NTRK2: variants seen among roughly 807,000 people sequenced by gnomAD.
NTRK2 encodes the protein BDNF/NT-3 growth factors receptor.
Under a neutral mutation model 94.5 loss-of-function variants are expected in NTRK2, and 13 were observed. The ratio of observed to expected loss-of-function variants is 0.14; its 90% CI spans 0.09 to 0.22. The LOEUF is 0.22. Ranked by LOEUF, NTRK2 falls within the 10% of genes least tolerant of loss-of-function variation. NTRK2 has a pLI of 1.00. For missense variants in NTRK2, 639 were observed against 1,071.2 expected (o/e 0.60, Z 5.63); for synonymous variants, 372 against 407.4 (o/e 0.91, Z 1.05).
At chr9:84,764,470 T>C (rs762563249) in intron 12 of NTRK2, among the ~76,000 whole-genome samples, 1 of 152,240 alleles carries the variant, frequency 6.6e-6, no homozygotes, top group Non-Finnish European at 1.5e-5. Context: ...TCTGTCTTGA[T>C]GACTCTTCCT....
intron 17 of NTRK2, among the ~76,000 whole-genome samples, chr9:84,998,088 C>T (rs1829957741): frequency 6.6e-6 from 1 of 152,220 alleles, no homozygotes; most frequent in African/African-American, 2.4e-5. Flanking sequence ...GAAGCCTGTA[C>T]ATGCTCAGCT....
chr9:84,874,985 GAATA>G, intron 14 of NTRK2: 1 of 1,054,820 alleles, frequency 9.5e-7, no homozygotes, highest in South Asian at 4.6e-5. Flanking sequence ...TTTAAAATAA[GAATA>G]AATAATGTAG....
intron 12 of NTRK2, chr9:84,812,489 T>C: frequency 9.5e-7 from 1 of 1,049,246 alleles, no homozygotes; most frequent in Non-Finnish European, 1.2e-6. Context: ...ATTTTCTTGT[T>C]CGCGGCTAAA....
chr9:84,813,551 C>T, intron 12 of NTRK2: 1 of 1,065,440 alleles, frequency 9.4e-7, no homozygotes, highest in Non-Finnish European at 1.1e-6. Context: ...AGCTAAGAAA[C>T]TGAGTTTAAC....
chr9:85,020,418 C>A (rs961764237), intron 18 of NTRK2, 54 bp downstream of exon 18: 2 of 1,593,294 alleles, frequency 1.3e-6, no homozygotes, highest in Non-Finnish European at 1.7e-6. Flanking sequence ...CCAGAGGCAT[C>A]CATTGGCTGG....
At chr9:84,841,058 C>T (rs1056412459) in intron 12 of NTRK2, among the ~76,000 whole-genome samples, 1 of 152,152 alleles carries the variant, frequency 6.6e-6, no homozygotes, top group Non-Finnish European at 1.5e-5. Flanking sequence ...CTTTGAGACC[C>T]TCTCCTCTCC....
intron 15 of NTRK2, among the ~76,000 whole-genome samples, chr9:84,936,279 G>A (rs758189338): frequency 6.6e-6 from 1 of 152,206 alleles, no homozygotes. Context: ...TTTAAGGAGA[G>A]TGTGTTGCGT....
intron 12 of NTRK2, among the ~76,000 whole-genome samples, chr9:84,807,014 G>T (rs2071199371): frequency 6.6e-6 from 1 of 152,222 alleles, no homozygotes; most frequent in Non-Finnish European, 1.5e-5. Context: ...GCTCAAGTTG[G>T]CAGTTTTCTG....
intron 15 of NTRK2, among the ~76,000 whole-genome samples, chr9:84,934,742 A>G (rs777697170): frequency 8.5e-5 from 13 of 152,082 alleles, no homozygotes; most frequent in African/African-American, 1.9e-4. Context: ...GTGCCACTCA[A>G]TTCTCTACCC....
chr9:84,997,558 G>A (rs12341232), intron 17 of NTRK2, among the ~76,000 whole-genome samples: 3,038 of 152,236 alleles, frequency 0.02, 93 homozygotes, highest in African/African-American at 0.064. Flanking sequence ...CCAGAGCTAC[G>A]AGTGTTGAGC....
intron 6 of NTRK2, among the ~76,000 whole-genome samples, chr9:84,718,392 A>G (rs1290605135): frequency 6.6e-6 from 1 of 152,122 alleles, no homozygotes; most frequent in African/African-American, 2.4e-5. Context: ...AGTTGTGTGT[A>G]TGAATATTCT....
At chr9:84,810,457 A>C (rs1159876070) in intron 12 of NTRK2, 1 of 1,231,692 alleles carries the variant, frequency 8.1e-7, no homozygotes, top group African/African-American at 1.5e-5. Flanking sequence ...TATTATGTTC[A>C]TTTGAAAGTT....
chr9:84,762,297 G>A (rs1310843351), intron 12 of NTRK2, among the ~76,000 whole-genome samples: 1 of 152,186 alleles, frequency 6.6e-6, no homozygotes, highest in Non-Finnish European at 1.5e-5. Flanking sequence ...TCTCTTCCTG[G>A]AATGGTGTGG....
intron 9 of NTRK2, among the ~76,000 whole-genome samples, chr9:84,732,380 C>T (rs1007278745): frequency 1.3e-5 from 2 of 152,184 alleles, no homozygotes; most frequent in Non-Finnish European, 2.9e-5. Flanking sequence ...GCTTTAGCAA[C>T]TCAGATTCCG....
chr9:84,898,469 A>C (rs971071549), intron 14 of NTRK2, among the ~76,000 whole-genome samples: 1 of 151,606 alleles, frequency 6.6e-6, no homozygotes, highest in Non-Finnish European at 1.5e-5. Context: ...AGGGTTATCT[A>C]GTGTTTTCAG....
chr9:84,983,556 A>T (rs182998705), intron 17 of NTRK2, among the ~76,000 whole-genome samples: 1 of 152,342 alleles, frequency 6.6e-6, no homozygotes, highest in Admixed American at 6.5e-5. Flanking sequence ...AGTACAAATC[A>T]TTTGAAGATC....
intron 4 of NTRK2, among the ~76,000 whole-genome samples, chr9:84,707,163 T>A (rs554185705): frequency 6.6e-6 from 1 of 152,254 alleles, no homozygotes; most frequent in Admixed American, 6.5e-5. Flanking sequence ...GTCAGTAAAT[T>A]ATTATTTTTT....
At chr9:84,673,379 C>T (rs778926747) in intron 2 of NTRK2, among the ~76,000 whole-genome samples, 10 of 152,258 alleles carry the variant, frequency 6.6e-5, no homozygotes, top group Middle Eastern at 3.4e-3. Context: ...ACAGTTGGAA[C>T]CAAATTATAC....
chr9:84,929,397 G>A (rs952275135), intron 14 of NTRK2, among the ~76,000 whole-genome samples: 1 of 152,278 alleles, frequency 6.6e-6, no homozygotes, highest in East Asian at 1.9e-4. Flanking sequence ...CAGATCACAC[G>A]AGTTTGGTGG....
Sources: allele counts gnomAD v4.1 joint callset (sites outside exome capture counted in the v4.1 genomes callset), GRCh38; gene constraint gnomAD v4.1.1; transcripts MANE v1.5; gene names NCBI Gene and HGNC (gene_info 2026-07-23, HGNC 2026-07-21).